The following CASS4 variants were observed in gnomAD, a reference collection of about 807,000 sequenced individuals.
The protein encoded by CASS4 is Cas scaffold protein family member 4.
A neutral mutation model predicts 54.2 loss-of-function variants in CASS4; 22 were observed. The ratio of observed to expected loss-of-function variants is 0.41; its 90% CI spans 0.29 to 0.58. The LOEUF (loss-of-function observed/expected upper bound fraction) is 0.58, where lower values mean the gene tolerates loss of function less well. CASS4 is among the 20% of genes least tolerant of loss of function. The pLI, the probability that CASS4 is intolerant of heterozygous loss-of-function variation, is 0.36. For synonymous variants in CASS4, 409 were observed against 391.5 expected (o/e 1.04, Z -0.53); for missense variants, 854 against 986.7 (o/e 0.87, Z 1.80).
chr20:56,431,815 G>A (rs980959381), intron 1 of CASS4, among the ~76,000 whole-genome samples: 3 of 152,178 alleles, frequency 2.0e-5, no homozygotes, highest in African/African-American at 7.2e-5. Context: ...CATTTCAGAT[G>A]ATCGGTTTTT....
At chr20:56,434,788 T>C (rs974534407) in intron 1 of CASS4, among the ~76,000 whole-genome samples, 1 of 152,110 alleles carries the variant, frequency 6.6e-6, no homozygotes, top group Non-Finnish European at 1.5e-5. Context: ...ATTATAAAAT[T>C]GTGTGTTTCA....
chr20:56,412,127 T>TTTC (rs895355576), upstream of CASS4: 5 of 356,562 alleles, frequency 1.4e-5, no homozygotes, highest in East Asian at 7.3e-5. This position sits in a 1 kb window ranked among gnomAD's most constrained non-coding sequence, Gnocchi z 4.2. Context: ...GTGGTGTTTT[T>TTTC]TTCTTCTTCT....
intron 2 of CASS4, 117 bp from the exon 3 acceptor site, chr20:56,445,783 G>A (rs1213209210): frequency 1.4e-5 from 10 of 714,742 alleles, no homozygotes; most frequent in East Asian, 2.8e-5. Context: ...GGTGCCGGGC[G>A]ACCCCTTCAG....
intron 2 of CASS4, among the ~76,000 whole-genome samples, chr20:56,443,469 C>CAAAAAAAAAAAAAAAAAAAAAAAA (rs11467181): frequency 4.3e-5 from 5 of 115,226 alleles, no homozygotes; most frequent in African/African-American, 7.2e-5. Context: ...ACTCCGTCTC[C>CAAAAAAAAAAAAAAAAAAAAAAAA]AAAAAAAAAA....
chr20:56,421,098 A>G (rs757682272), intron 1 of CASS4, among the ~76,000 whole-genome samples: 52 of 152,240 alleles, frequency 3.4e-4, no homozygotes, highest in Non-Finnish European at 4.4e-4. Flanking sequence ...TTTCTCTGTC[A>G]TGCATTAAAC....
intron 2 of CASS4, among the ~76,000 whole-genome samples, chr20:56,444,097 C>T (rs1980594112): frequency 6.6e-6 from 1 of 152,134 alleles, no homozygotes; most frequent in Admixed American, 6.5e-5. Context: ...TGAGTCTAGC[C>T]AGATGAATGG....
intron 5 of CASS4, among the ~76,000 whole-genome samples, chr20:56,454,344 G>A (rs540877556): frequency 7.9e-5 from 12 of 152,334 alleles, no homozygotes; most frequent in African/African-American, 2.9e-4. Context: ...TTTCAGCCCC[G>A]ACCTTTGTGT....
intron 5 of CASS4, among the ~76,000 whole-genome samples, chr20:56,456,400 G>T (rs1185415775): frequency 1.1e-4 from 16 of 149,466 alleles, no homozygotes; most frequent in Admixed American, 1.1e-3. Context: ...TTGAGACGAA[G>T]TCTTGCTCTG....
At position 56,456,937 on chromosome 20, in the gene CASS4, C is replaced by T. The variant is rs575995082; in HGVS notation, c.1954-1403C>T. 6.6e-5 allele frequency among the ~76,000 whole-genome samples: 10 copies of T among 152,244 alleles called. No homozygotes were observed. In the East Asian group the frequency reaches 1.2e-3, roughly 18 times the overall value. Reference sequence around the variant, plus strand: ...CTAGGGTTAAGCGATCCTCCTGCCTCGGCCTCCCAAAGTGCTGGGATTACA... The same window carrying T: ...CTAGGGTTAAGCGATCCTCCTGCCTTGGCCTCCCAAAGTGCTGGGATTACA... On this transcript the variant is annotated intron_variant, in intron 5 of 5. Transcript: ENST00000679887.
intron 1 of CASS4, among the ~76,000 whole-genome samples, chr20:56,431,134 T>G (rs1000591651): frequency 6.6e-6 from 1 of 152,192 alleles, no homozygotes; most frequent in African/African-American, 2.4e-5. Flanking sequence ...GGACAAGTCA[T>G]TTGATCTCTC....
rs929777037 is a variant in CASS4 at position 56,418,476 on chromosome 20, T to A, written c.36+5982T>A. Among the ~76,000 whole-genome samples the A allele has an allele frequency of 6.8e-4, 104 of 152,150 alleles. 2 individuals carry two copies. The highest frequency in any genetic ancestry group is 2.2e-4 in the Non-Finnish European group (15 of 68,024). On this transcript the variant is annotated intron_variant, in intron 1 of 5. Transcript: ENST00000679887. ...CCACCAGCCCACTTAAAGCAGGAGA[T>A]GACATGATCTAATTTATGTTTTCTA... is the stretch of plus-strand genomic sequence containing the variant.
intron 1 of CASS4, among the ~76,000 whole-genome samples, chr20:56,424,740 C>CAAAAAAAAAAAAAAAAAAAAAAAAAAAA (rs759106984): frequency 1.4e-5 from 1 of 72,078 alleles, no homozygotes. Context: ...GACTCTGTCT[C>CAAAAAAAAAAAAAAAAAAAAAAAAAAAA]AAAAAAAAAA....
rs1341248483 is a variant in CASS4, at chr20:56,437,493, G to T, written c.366G>T (p.Gly122=). The T allele has an allele frequency of 6.2e-7, 1 of 1,608,610 alleles. No individual in the cohort carries two copies. The highest frequency in any genetic ancestry group is 8.5e-7 in the Non-Finnish European group (1 of 1,177,214). Residue 122 remains glycine (G), a synonymous_variant, in exon 2 of 6, where the codon GGG becomes GGT. Coordinates refer to ENST00000679887, the MANE Select transcript of CASS4 (RefSeq NM_020356.4). This position sits in a 1 kb window ranked among gnomAD's most constrained non-coding sequence, Gnocchi z 4.7. Reference sequence around the variant, plus strand: ...AGCAGATGAGGAGTTGGGCGGAGGGGCCCCAGCCCCCTACTGCCCAAGTCT... The same window carrying T: ...AGCAGATGAGGAGTTGGGCGGAGGGTCCCCAGCCCCCTACTGCCCAAGTCT... ...VYEQMRSWAE[G]PQPPTAQVYE...
intron 2 of CASS4, among the ~76,000 whole-genome samples, chr20:56,440,420 C>T (rs766353597): frequency 3.3e-5 from 5 of 152,200 alleles, no homozygotes; most frequent in Non-Finnish European, 5.9e-5. Flanking sequence ...GAAAGGAAAA[C>T]AGATGCGCTG....
At chr20:56,442,363 G>A (rs931697732) in intron 2 of CASS4, among the ~76,000 whole-genome samples, 1 of 151,754 alleles carries the variant, frequency 6.6e-6, no homozygotes, top group African/African-American at 2.4e-5. Context: ...TGCTCGTGCA[G>A]CCACACAGCT....
At chr20:56,436,989 C>A (rs988849232) in intron 1 of CASS4, among the ~76,000 whole-genome samples, 175 bp from the exon 2 acceptor site, 1 of 152,132 alleles carries the variant, frequency 6.6e-6, no homozygotes, top group African/African-American at 2.4e-5. Flanking sequence ...TCACTTAGAC[C>A]CCAAGGATGT....
rs1202340119 is a variant in CASS4 at position 56,450,531 on chromosome 20, A to C, written c.562-68A>C. ...TTTGGAAAAAAACACTGGAATAGGG[A>C]GTGTTCGTGATGTGTAGCCATTAGG... On this transcript the variant is annotated intron_variant, in intron 3 of 5. Coordinates refer to ENST00000679887, the MANE Select transcript of CASS4 (RefSeq NM_020356.4). 3.5e-5 allele frequency: 48 copies of C among 1,366,722 alleles called. 1 individual carries two copies. The East Asian group carries it at 1.1e-3, about 31-fold the overall frequency. 84.7% of individuals were successfully genotyped at this position (1,366,722 alleles called of 1,614,324 possible). A position where few individuals can be genotyped will look rare whatever the true frequency, so the allele number is the denominator to read the frequency against.
At chr20:56,435,060 G>C (rs140779644) in intron 1 of CASS4, among the ~76,000 whole-genome samples, 2,341 of 152,304 alleles carry the variant, frequency 0.015, 34 homozygotes, top group South Asian at 0.025. Context: ...GATCTCAGCT[G>C]TATTAGATTT....
intron 2 of CASS4, among the ~76,000 whole-genome samples, chr20:56,441,513 G>T (rs1398514658): frequency 6.6e-6 from 1 of 152,018 alleles, no homozygotes; most frequent in Non-Finnish European, 1.5e-5. Context: ...GCTGAGGCAG[G>T]AGAATCGCTT....
Sources: allele counts gnomAD v4.1 joint callset (sites outside exome capture counted in the v4.1 genomes callset), GRCh38; gene constraint gnomAD v4.1.1; non-coding constraint Gnocchi (gnomAD v3.1); transcripts MANE v1.5; gene names NCBI Gene and HGNC (gene_info 2026-07-23, HGNC 2026-07-21).